Variants in PLSCR5 observed in about 807,000 individuals in gnomAD.
PLSCR5 encodes the protein phospholipid scramblase family member 5.
A neutral mutation model predicts 33.6 loss-of-function variants in PLSCR5; 44 were observed. The ratio of observed to expected loss-of-function variants is 1.31; its 90% confidence interval spans 1.03 to 1.69. The LOEUF (loss-of-function observed/expected upper bound fraction) is 1.69. PLSCR5 is among the 40% of genes most tolerant of loss of function. The probability of loss-of-function intolerance (pLI) is 0.00; values close to 1 mark genes in which losing one functional copy is unlikely to be tolerated. For missense variants in PLSCR5, 375 were observed against 318.7 expected (o/e 1.18, Z -1.34); for synonymous variants, 148 against 112.3 (o/e 1.32, Z -2.01).
intron 1 of PLSCR5, among the ~76,000 whole-genome samples, chr3:146,602,113 T>A (rs1479539717): frequency 6.6e-6 from 1 of 152,038 alleles, no homozygotes; most frequent in Non-Finnish European, 1.5e-5. Context: ...ACTATAGCAG[T>A]TTGGTTTCCG....
chr3:146,580,918 C>G (rs1185937759), downstream of PLSCR5, among the ~76,000 whole-genome samples: 2 of 152,180 alleles, frequency 1.3e-5, no homozygotes, highest in Non-Finnish European at 2.9e-5. Flanking sequence ...GTAAAATTCT[C>G]ATCCTTCTAG....
At chr3:146,584,805 T>C (rs1050993789), downstream of PLSCR5, among the ~76,000 whole-genome samples, 5 of 152,154 alleles carry the variant, frequency 3.3e-5, no homozygotes, top group African/African-American at 4.8e-5. Flanking sequence ...CCCATAATAT[T>C]ATTTCTAGGA....
chr3:146,591,682 G>T, intron 5 of PLSCR5, 38 bp downstream of exon 5: 2 of 1,566,692 alleles, frequency 1.3e-6, no homozygotes, highest in Non-Finnish European at 1.7e-6. Context: ...AAAAAATCAG[G>T]ACCTAAATGA....
At chr3:146,597,634 C>T (rs1008305732) in intron 2 of PLSCR5, among the ~76,000 whole-genome samples, 1 of 152,100 alleles carries the variant, frequency 6.6e-6, no homozygotes, top group African/African-American at 2.4e-5. Context: ...AGCACATAGC[C>T]ACTTACAAAC....
intron 7 of PLSCR5, among the ~76,000 whole-genome samples, chr3:146,578,965 A>T (rs926085018): frequency 6.6e-6 from 1 of 152,040 alleles, no homozygotes; most frequent in Non-Finnish European, 1.5e-5. Flanking sequence ...TTCTTTAACA[A>T]GATTTTTAAT....
chr3:146,597,260 C>A (rs2044769231), intron 2 of PLSCR5, among the ~76,000 whole-genome samples: 1 of 152,172 alleles, frequency 6.6e-6, no homozygotes, highest in South Asian at 2.1e-4. Context: ...AGTCACTGTG[C>A]TAGATGTTTA....
intron 2 of PLSCR5, among the ~76,000 whole-genome samples, chr3:146,596,564 G>A (rs181787575): frequency 6.6e-6 from 1 of 152,278 alleles, no homozygotes; most frequent in East Asian, 1.9e-4. Context: ...CACTAAATAT[G>A]CTGCTGATCA....
chr3:146,587,482 A>T (rs552348352), intron 6 of PLSCR5, among the ~76,000 whole-genome samples: 1 of 152,218 alleles, frequency 6.6e-6, no homozygotes, highest in South Asian at 2.1e-4. Flanking sequence ...CTAAATATTA[A>T]CGTTAAGTGT....
Position 146,585,894 on chromosome 3 carries a change from A to G in PLSCR5, c.*93T>C. On this transcript the variant is annotated 3_prime_UTR_variant, in exon 8 of 8. Coordinates refer to ENST00000443512, the MANE Select transcript of PLSCR5 (RefSeq NM_001085420.2). Reference sequence around the variant, plus strand: ...AATTAACATTTTTTTTTAACAAAAAAGCAAACATTCAAACCATTCAGAAAT... The same window carrying G: ...AATTAACATTTTTTTTTAACAAAAAGGCAAACATTCAAACCATTCAGAAAT... 1 of 534,422 alleles carries G rather than the reference A, an allele frequency of 1.9e-6. No homozygotes were observed. 33.1% of individuals were successfully genotyped at this position (534,422 alleles called of 1,614,324 possible).
At chr3:146,594,611 A>G (rs533719845) in intron 3 of PLSCR5, among the ~76,000 whole-genome samples, 3 of 152,098 alleles carry the variant, frequency 2.0e-5, no homozygotes, top group Admixed American at 6.5e-5. Context: ...CCCAGAAAAT[A>G]CTCAAGTAAT....
Position 146,600,290 on chromosome 3 carries a change from G to A in PLSCR5, c.187C>T (p.Gln63Ter), listed in dbSNP as rs775116637. 6.4e-7 allele frequency: 1 copy of A among 1,569,366 alleles called. No individual in the cohort carries two copies. Among genetic ancestry groups the A allele is most frequent in the Admixed American group, 1.8e-5 (1 of 55,588 alleles). The stretch of plus-strand genomic sequence containing the variant: ...TAGTAATAGAAAGATAAAAACACCT[G>A]GCTTAAATATTCTAGACCAGGAGGG... ...SLPPGLEYLS[Q>*]LDLIIIHQQV... Residue 63 changes from glutamine (Q) to a stop codon, truncating the protein, a stop_gained and splice_region_variant, in exon 2 of 8, where the codon CAG (glutamine) becomes TAG (stop). Transcript: ENST00000443512. LOFTEE classifies it high-confidence loss of function.
At chr3:146,595,173 ACATAAAATTAGTGATTTT>A in intron 2 of PLSCR5, 90 bp from the exon 3 acceptor site, 1 of 635,120 alleles carries the variant, frequency 1.6e-6, no homozygotes, top group Non-Finnish European at 2.4e-6. Flanking sequence ...TTACTATATT[ACATAAAATTAGTGATTTT>A]CATGCTTTCT....
intron 2 of PLSCR5, among the ~76,000 whole-genome samples, chr3:146,595,391 G>T (rs1301787714): frequency 6.6e-6 from 1 of 152,168 alleles, no homozygotes; most frequent in Non-Finnish European, 1.5e-5. Flanking sequence ...GTCAAGGTAG[G>T]CAGATTGCTT....
chr3:146,581,273 A>G (rs2044631326), downstream of PLSCR5, among the ~76,000 whole-genome samples: 1 of 152,244 alleles, frequency 6.6e-6, no homozygotes. Context: ...CTGAACAAGT[A>G]ATAAGTTCAG....
chr3:146,588,847 T>C (rs969513043), intron 6 of PLSCR5, among the ~76,000 whole-genome samples: 3 of 152,234 alleles, frequency 2.0e-5, no homozygotes, highest in African/African-American at 4.8e-5. Flanking sequence ...GTCTGCAACC[T>C]ACTCTCAACT....
rs543043257 is a variant in PLSCR5, at chr3:146,600,334, A to C, written c.143T>G (p.Phe48Cys). 8 of 1,605,954 alleles carry C rather than the reference A, an allele frequency of 5.0e-6. No individual in the cohort carries two copies. Among genetic ancestry groups the C allele is most frequent in the Admixed American group, 1.7e-5 (1 of 59,292 alleles). ...WQLSLPLPSS[F>C]LPTVSLPPGL... is the part of the protein sequence containing the mutation. Reference sequence around the variant, plus strand: ...AGGAGGGAGACTGACTGTTGGCAGGAAACTGCTTGGCAGAGGGAGACTCAG... The same window carrying C: ...AGGAGGGAGACTGACTGTTGGCAGGCAACTGCTTGGCAGAGGGAGACTCAG... Residue 48 changes from phenylalanine (F) to cysteine (C), a missense_variant, in exon 2 of 8, where the codon TTC (phenylalanine) becomes TGC (cysteine). Physicochemically the swap from Phe to Cys is radical, Grantham distance 205. Coordinates refer to ENST00000443512, the MANE Select transcript of PLSCR5 (RefSeq NM_001085420.2).
chr3:146,593,257 T>G (rs981403324), intron 4 of PLSCR5, among the ~76,000 whole-genome samples: 3 of 152,180 alleles, frequency 2.0e-5, no homozygotes, highest in African/African-American at 7.2e-5. Flanking sequence ...CTCCTAGAGA[T>G]TTCATGATTC....
At position 146,591,623 on chromosome 3, in the gene PLSCR5, T is replaced by C. The variant is rs981649589; in HGVS notation, c.615+97A>G. The C allele has an allele frequency of 8.4e-6, 11 of 1,312,248 alleles. No individual in the cohort carries two copies. In the African/African-American group the frequency reaches 1.1e-4, roughly 13 times the overall value. 81.3% of individuals were successfully genotyped at this position (1,312,248 alleles called of 1,614,324 possible). ...ACAAATATGTCATTTTCTGAACTTA[T>C]TTTAAATGAAATTAATTTGAACATA... On this transcript the variant is annotated intron_variant, in intron 5 of 7. Coordinates refer to ENST00000443512, the MANE Select transcript of PLSCR5 (RefSeq NM_001085420.2).
chr3:146,581,468 G>C (rs2044632332), downstream of PLSCR5, among the ~76,000 whole-genome samples: 2 of 152,220 alleles, frequency 1.3e-5, no homozygotes, highest in African/African-American at 4.8e-5. Context: ...GCCTAGTGCA[G>C]TGTATGCATT....
Sources: gnomAD v4.1 joint callset for allele counts (sites outside exome capture counted in the v4.1 genomes callset) on GRCh38, gnomAD v4.1.1 for gene constraint, MANE v1.5 for transcripts, NCBI Gene and HGNC (gene_info 2026-07-23, HGNC 2026-07-21) for gene names.